The following CEP85 variants were observed in gnomAD, a reference collection of about 807,000 sequenced individuals.
The protein encoded by CEP85 is centrosomal protein of 85 kDa.
Under a neutral mutation model 93.7 loss-of-function variants are expected in CEP85, and 58 were observed. That is an observed-to-expected ratio of 0.62 (90% CI 0.50 to 0.77). The LOEUF is 0.77. Among genes scored for constraint, CEP85 ranks in the 30% least tolerant of loss-of-function variants. The probability of loss-of-function intolerance (pLI) is 0.00; values close to 1 mark genes in which losing one functional copy is unlikely to be tolerated. For missense variants in CEP85, 868 were observed against 922.0 expected (o/e 0.94, Z 0.76); for synonymous variants, 314 against 338.6 (o/e 0.93, Z 0.80).
intron 4 of CEP85, among the ~76,000 whole-genome samples, 166 bp from the exon 5 acceptor site, chr1:26,257,431 G>T (rs564164305): frequency 2.0e-4 from 31 of 152,332 alleles, no homozygotes; most frequent in Admixed American, 5.9e-4. Flanking sequence ...CTTCCTGGCA[G>T]GTTCTTTCCA....
At chr1:26,248,722 CTTTTTTTTT>C (rs573449499) in intron 3 of CEP85, among the ~76,000 whole-genome samples, 8 of 56,194 alleles carry the variant, frequency 1.4e-4, no homozygotes, top group South Asian at 8.2e-4. Context: ...GTCTTGAACT[CTTTTTTTTT>C]TTTTTTTTTT....
At chr1:26,261,399 G>A (rs2089805191) in intron 7 of CEP85, among the ~76,000 whole-genome samples, 1 of 152,050 alleles carries the variant, frequency 6.6e-6, no homozygotes, top group South Asian at 2.1e-4. Context: ...TTTAACCCAG[G>A]AGGCGGAAGT....
intron 3 of CEP85, 74 bp from the exon 4 acceptor site, chr1:26,255,097 T>C: frequency 8.0e-7 from 1 of 1,242,828 alleles, no homozygotes; most frequent in Non-Finnish European, 1.2e-6. Context: ...GGCCGAGAGC[T>C]TCTGGCATAG....
intron 3 of CEP85, among the ~76,000 whole-genome samples, chr1:26,252,679 T>G (rs773203222): frequency 2.6e-5 from 4 of 152,222 alleles, no homozygotes; most frequent in Non-Finnish European, 4.4e-5. Flanking sequence ...TCTTTCTTGG[T>G]CCTGAGAGAC....
intron 12 of CEP85, 94 bp from the exon 13 acceptor site, chr1:26,276,441 A>T: frequency 1.1e-6 from 1 of 952,002 alleles, no homozygotes; most frequent in Non-Finnish European, 1.7e-6. Flanking sequence ...ACTGCCTATG[A>T]CTCACCCATC....
chr1:26,271,248 C>T (rs981330246), intron 10 of CEP85, 141 bp downstream of exon 10: 1 of 577,990 alleles, frequency 1.7e-6, no homozygotes, highest in Non-Finnish European at 3.1e-6. Flanking sequence ...TCGGAGAAGT[C>T]ACCCTGCATA....
intron 7 of CEP85, among the ~76,000 whole-genome samples, chr1:26,265,996 T>C (rs1472370869): frequency 6.6e-6 from 1 of 151,862 alleles, no homozygotes. Flanking sequence ...TCACCTAAGG[T>C]CAGGAGTTCA....
rs570123126 is a variant in CEP85 at position 26,246,646 on chromosome 1, T to C, written c.208+2328T>C. On this transcript the variant is annotated intron_variant, in intron 3 of 13. Coordinates refer to ENST00000451429, the MANE Select transcript of CEP85 (RefSeq NM_001319944.2). ...CGGGAGGCTGAGACAAGAGAATTGCTTGAACCCGGGAGGCAGAGGTTGCAG... is the reference window on the plus strand; with the variant it reads ...CGGGAGGCTGAGACAAGAGAATTGCCTGAACCCGGGAGGCAGAGGTTGCAG... Among the ~76,000 whole-genome samples the C allele has an allele frequency of 2.6e-5, 4 of 151,980 alleles. No individual in the cohort carries two copies. In the East Asian group the frequency reaches 5.8e-4, roughly 22 times the overall value.
chr1:26,242,060 C>A (rs1450905376), intron 2 of CEP85, among the ~76,000 whole-genome samples: 2 of 152,066 alleles, frequency 1.3e-5, no homozygotes, highest in African/African-American at 4.8e-5. Flanking sequence ...CTGCACCCGG[C>A]CAACTTCAGC....
intron 7 of CEP85, among the ~76,000 whole-genome samples, chr1:26,266,301 C>A (rs1309316754): frequency 6.6e-6 from 1 of 152,118 alleles, no homozygotes; most frequent in African/African-American, 2.4e-5. Context: ...GTGGGAGCAT[C>A]ACTTGAGCCC....
At chr1:26,266,190 C>G (rs1317246330) in intron 7 of CEP85, among the ~76,000 whole-genome samples, 1 of 151,430 alleles carries the variant, frequency 6.6e-6, no homozygotes, top group Non-Finnish European at 1.5e-5. Context: ...GCCTGGGCAA[C>G]AAGAATGAAA....
intron 3 of CEP85, among the ~76,000 whole-genome samples, chr1:26,250,320 G>A (rs959440522): frequency 1.3e-5 from 2 of 152,200 alleles, no homozygotes; most frequent in Non-Finnish European, 2.9e-5. Context: ...TCTCATAGGA[G>A]CACGAACCCT....
chr1:26,255,809 C>T lies in CEP85; in HGVS notation c.847C>T (p.Leu283Phe). ...TWHPREQSCELSTCRQQLELI... is the reference protein window; with the variant it reads ...TWHPREQSCEFSTCRQQLELI... ...GCATCCCCGAGAGCAATCTTGTGAA[C>T]TCAGCACTTGTCGGCAGCAGCTGGA... The change falls in exon 4 of 14, where the codon CTC becomes TTC. Residue 283 changes from leucine (L) to phenylalanine (F), a missense_variant. Physicochemically the swap from Leu to Phe is conservative, Grantham distance 22 (BLOSUM62 0). Coordinates refer to ENST00000451429, the MANE Select transcript of CEP85 (RefSeq NM_001319944.2). 3 of 1,613,828 alleles carry T rather than the reference C, an allele frequency of 1.9e-6. No individual in the cohort carries two copies. The highest frequency in any genetic ancestry group is 2.5e-6 in the Non-Finnish European group (3 of 1,179,832).
At chr1:26,241,644 T>C (rs1040313632) in intron 2 of CEP85, among the ~76,000 whole-genome samples, 1 of 152,246 alleles carries the variant, frequency 6.6e-6, no homozygotes, top group Non-Finnish European at 1.5e-5. Flanking sequence ...TTTGGAACAA[T>C]GCCTTTCCTA....
chr1:26,277,580 T>G lies in CEP85; in HGVS notation c.*287T>G, dbSNP rs11579354. 43,795 of 281,038 alleles carry G rather than the reference T, an allele frequency of 0.16. 3,713 individuals carry two copies. The highest frequency in any genetic ancestry group is 0.18 in the Middle Eastern group (159 of 860). The allele number at this position is 281,038 out of a possible 1,614,324, so 17.4% of individuals were successfully genotyped here. A position where few individuals can be genotyped will look rare whatever the true frequency, so the allele number is the denominator to read the frequency against. ...AACTGTTCCCAGCCCTAGGCTGACA[T>G]GAGAGACGAACAGGCTGTCCACCTT... is the stretch of plus-strand genomic sequence containing the variant. On this transcript the variant is annotated 3_prime_UTR_variant, in exon 14 of 14. Coordinates refer to ENST00000451429, the MANE Select transcript of CEP85 (RefSeq NM_001319944.2).
intron 7 of CEP85, chr1:26,263,341 C>A: frequency 3.6e-6 from 1 of 279,562 alleles, no homozygotes. Flanking sequence ...TTCAAAGCAG[C>A]AGTAGTCTCT....
intron 7 of CEP85, among the ~76,000 whole-genome samples, chr1:26,264,445 A>C (rs2089862020): frequency 6.6e-6 from 1 of 152,198 alleles, no homozygotes; most frequent in African/African-American, 2.4e-5. Flanking sequence ...AGGCAGGAGA[A>C]TCGCTTGAAC....
intron 8 of CEP85, among the ~76,000 whole-genome samples, chr1:26,268,970 C>T (rs2089932695): frequency 6.6e-6 from 1 of 152,160 alleles, no homozygotes; most frequent in Admixed American, 6.5e-5. Flanking sequence ...CCTTTTCCAC[C>T]AGTTTTAATC....
chr1:26,256,251 T>C (rs1184761401), intron 4 of CEP85, among the ~76,000 whole-genome samples: 1 of 152,042 alleles, frequency 6.6e-6, no homozygotes, highest in Non-Finnish European at 1.5e-5. Context: ...AGAGCTGGGG[T>C]TTAAAAACCA....
Sources: allele counts gnomAD v4.1 joint callset (sites outside exome capture counted in the v4.1 genomes callset), GRCh38; gene constraint gnomAD v4.1.1; transcripts MANE v1.5; gene names NCBI Gene and HGNC (gene_info 2026-07-23, HGNC 2026-07-21).